CDK5RAP1: variants seen among roughly 807,000 people sequenced by gnomAD.
CDK5RAP1 encodes CDK5RAP1 mitochondrial tRNA methylthiotransferase.
A neutral mutation model predicts 64.5 loss-of-function variants in CDK5RAP1; 62 were observed. The observed-to-expected ratio is 0.96, with a 90% confidence interval of 0.78 to 1.19. The LOEUF is 1.19. CDK5RAP1 is among the 50% of genes most tolerant of loss of function. The pLI, the probability that CDK5RAP1 is intolerant of heterozygous loss-of-function variation, is 0.00. For missense variants in CDK5RAP1, 657 were observed against 735.0 expected (o/e 0.89, Z 1.23); for synonymous variants, 250 against 261.9 (o/e 0.95, Z 0.44).
intron 12 of CDK5RAP1, among the ~76,000 whole-genome samples, chr20:33,363,704 C>A (rs1414838862): frequency 6.6e-6 from 1 of 151,966 alleles, no homozygotes; most frequent in African/African-American, 2.4e-5. Flanking sequence ...CTGAGACCAA[C>A]CTGGGCAACA....
chr20:33,395,779 A>G (rs1988845266), intron 2 of CDK5RAP1, among the ~76,000 whole-genome samples: 1 of 152,160 alleles, frequency 6.6e-6, no homozygotes, highest in Admixed American at 6.5e-5. Context: ...TTGGGAGGCC[A>G]AGGCGGGCAG....
chr20:33,374,184 T>C lies in CDK5RAP1; in HGVS notation c.1136A>G (p.Asn379Ser). 2 of 1,613,018 alleles carry C rather than the reference T, an allele frequency of 1.2e-6. No homozygotes were observed. Among genetic ancestry groups the C allele is most frequent in the Non-Finnish European group, 1.7e-6 (2 of 1,178,974 alleles). Residue 379 changes from asparagine (N) to serine (S), a missense_variant, in exon 9 of 14, where the codon AAC (asparagine) becomes AGC (serine). Asn to Ser is a conservative substitution (Grantham distance 46). Transcript: ENST00000346416. ...TGGCAGGTGGATCTGTTTACAGATG[T>C]TATCTCTCTCATGAATCAGCTGCAG... ...EVLQLIHERD[N>S]ICKQIHLPAQ...
At position 33,387,324 on chromosome 20, in the gene CDK5RAP1, C is replaced by A; in HGVS notation, c.754G>T (p.Val252Leu). The stretch of plus-strand genomic sequence containing the variant: ...CCTATCTCTTAGGCAGTGACTCACA[C>A]AAAGGCAGACGTGGCACTGGCGCTT... ...QTSASATSAF[V>L]SIMRGCDNMC... Residue 252 changes from valine (V) to leucine (L), a missense_variant and splice_region_variant, in exon 6 of 14, where the codon GTG becomes TTG. Coordinates refer to ENST00000346416, the MANE Select transcript of CDK5RAP1 (RefSeq NM_016408.4). 2 of 1,611,756 alleles carry A rather than the reference C, an allele frequency of 1.2e-6. No individual in the cohort carries two copies. Among genetic ancestry groups the A allele is most frequent in the African/African-American group, 1.3e-5 (1 of 74,878 alleles).
chr20:33,374,301 G>T, intron 8 of CDK5RAP1, 89 bp from the exon 9 acceptor site: 1 of 807,874 alleles, frequency 1.2e-6, no homozygotes, highest in Non-Finnish European at 2.1e-6. Context: ...TATCCTCCAA[G>T]GTCAATTTTC....
chr20:33,374,984 G>A (rs1487363467), intron 8 of CDK5RAP1, among the ~76,000 whole-genome samples: 1 of 151,758 alleles, frequency 6.6e-6, no homozygotes. Flanking sequence ...GGACAACATA[G>A]TGAGACCTTG....
intron 2 of CDK5RAP1, among the ~76,000 whole-genome samples, chr20:33,395,735 G>A (rs1458186217): frequency 6.6e-6 from 1 of 152,206 alleles, no homozygotes; most frequent in African/African-American, 2.4e-5. Context: ...GGACTAGGCC[G>A]AGGGTGGTGG....
intron 12 of CDK5RAP1, 81 bp from the exon 13 acceptor site, chr20:33,360,572 T>G: frequency 1.5e-6 from 2 of 1,307,566 alleles, no homozygotes; most frequent in Non-Finnish European, 2.1e-6. Flanking sequence ...CTTCTCTGTC[T>G]CGGATCCCCA....
chr20:33,369,531 A>G (rs925335751), intron 11 of CDK5RAP1, among the ~76,000 whole-genome samples: 2 of 152,106 alleles, frequency 1.3e-5, no homozygotes, highest in Admixed American at 6.6e-5. Flanking sequence ...GCTCCTCTGA[A>G]GCTTCATCTC....
chr20:33,389,740 C>T (rs991692439), intron 5 of CDK5RAP1, among the ~76,000 whole-genome samples: 3 of 152,116 alleles, frequency 2.0e-5, no homozygotes, highest in African/African-American at 7.2e-5. Flanking sequence ...ACCATGATGA[C>T]GATGGCGGTT....
intron 8 of CDK5RAP1, among the ~76,000 whole-genome samples, chr20:33,376,014 T>C (rs544776591): frequency 6.6e-6 from 1 of 152,304 alleles, no homozygotes; most frequent in East Asian, 1.9e-4. Context: ...TGTGCCACCA[T>C]GCCCAGCTAA....
chr20:33,372,870 T>C (rs1985294396), intron 9 of CDK5RAP1, 173 bp from the exon 10 acceptor site: 2 of 460,784 alleles, frequency 4.3e-6, no homozygotes, highest in Non-Finnish European at 7.6e-6. Flanking sequence ...CTGTATCTTC[T>C]AATCTAATCT....
chr20:33,375,378 G>C (rs544842452), intron 8 of CDK5RAP1, among the ~76,000 whole-genome samples: 26 of 149,428 alleles, frequency 1.7e-4, no homozygotes, highest in African/African-American at 6.2e-4. Context: ...CTCTAGCCTG[G>C]GTGACAGAGC....
chr20:33,366,599 G>A (rs763557428), intron 12 of CDK5RAP1, among the ~76,000 whole-genome samples: 9 of 152,152 alleles, frequency 5.9e-5, no homozygotes, highest in Admixed American at 2.6e-4. Context: ...TCAAAAGAGC[G>A]AGACTCCGTC....
intron 7 of CDK5RAP1, among the ~76,000 whole-genome samples, chr20:33,382,807 G>A (rs1262198248): frequency 6.6e-6 from 1 of 152,198 alleles, no homozygotes; most frequent in Non-Finnish European, 1.5e-5. Flanking sequence ...AGAGGTTGCA[G>A]TGAGCCAAGA....
intron 9 of CDK5RAP1, chr20:33,373,876 C>T (rs1985522579): frequency 3.9e-6 from 2 of 519,020 alleles, no homozygotes; most frequent in East Asian, 6.4e-5. Flanking sequence ...AGTGGCTGCT[C>T]AGTAAATATT....
intron 2 of CDK5RAP1, among the ~76,000 whole-genome samples, chr20:33,396,052 T>C (rs568961486): frequency 2.0e-5 from 3 of 151,888 alleles, no homozygotes; most frequent in Non-Finnish European, 4.4e-5. Context: ...TAACTGATAG[T>C]GTTCATCAGC....
intron 8 of CDK5RAP1, among the ~76,000 whole-genome samples, chr20:33,379,247 T>C (rs1986430465): frequency 6.6e-6 from 1 of 152,080 alleles, no homozygotes; most frequent in Admixed American, 6.6e-5. Flanking sequence ...TGCCTCAGCG[T>C]CTCCAAGTGT....
intron 13 of CDK5RAP1, 112 bp downstream of exon 13, chr20:33,360,239 G>C (rs1982639980): frequency 3.0e-6 from 3 of 1,001,414 alleles, no homozygotes; most frequent in African/African-American, 3.3e-5. Context: ...CTGGTTGAGA[G>C]GGGATTTTTA....
At chr20:33,401,110 G>T (rs1989369476) in intron 1 of CDK5RAP1, among the ~76,000 whole-genome samples, 2 of 152,212 alleles carry the variant, frequency 1.3e-5, no homozygotes, top group South Asian at 4.1e-4. Context: ...CGTTAGGCAT[G>T]GTGCAAAGCA....
Sources: gnomAD v4.1 joint callset for allele counts (sites outside exome capture counted in the v4.1 genomes callset) on GRCh38, gnomAD v4.1.1 for gene constraint, MANE v1.5 for transcripts, NCBI Gene and HGNC (gene_info 2026-07-23, HGNC 2026-07-21) for gene names.